CDK19: variants seen among roughly 807,000 people sequenced by gnomAD.
The protein encoded by CDK19 is cyclin-dependent kinase 19.
In CDK19, 20 loss-of-function variants were observed where a neutral mutation model predicts 68.3. The observed-to-expected ratio is 0.29, with a 90% CI of 0.21 to 0.43. CDK19 has a LOEUF of 0.43. CDK19 is among the 20% of genes least tolerant of loss of function. The pLI is 1.00. For missense variants in CDK19, 339 were observed against 623.5 expected (o/e 0.54, Z 4.86); for synonymous variants, 221 against 222.8 (o/e 0.99, Z 0.07).
At chr6:110,641,883 G>A (rs1247648849) in intron 4 of CDK19, among the ~76,000 whole-genome samples, 1 of 152,130 alleles carries the variant, frequency 6.6e-6, no homozygotes, top group African/African-American at 2.4e-5. Flanking sequence ...GAACCCTACA[G>A]GTAAGGACAT....
chr6:110,620,896 C>T (rs1185650896), intron 12 of CDK19, among the ~76,000 whole-genome samples: 1 of 152,138 alleles, frequency 6.6e-6, no homozygotes, highest in Non-Finnish European at 1.5e-5. Context: ...ACCTTCCTCT[C>T]CTCGGGTGTC....
chr6:110,755,092 G>T (rs1352207794), intron 1 of CDK19, among the ~76,000 whole-genome samples: 1 of 149,262 alleles, frequency 6.7e-6, no homozygotes, highest in Admixed American at 6.8e-5. Flanking sequence ...CCAGGCTGGA[G>T]TGCAGTGGCA....
chr6:110,737,481 T>TACAC (rs139727702), intron 2 of CDK19, among the ~76,000 whole-genome samples: 2 of 151,436 alleles, frequency 1.3e-5, no homozygotes, highest in South Asian at 4.2e-4. Flanking sequence ...GGTGTATACA[T>TACAC]ACACACACAC....
At chr6:110,660,705 G>T (rs1250838334) in intron 4 of CDK19, among the ~76,000 whole-genome samples, 1 of 152,206 alleles carries the variant, frequency 6.6e-6, no homozygotes, top group Non-Finnish European at 1.5e-5. Context: ...CTGTCCTTCT[G>T]AAGTCAAGCT....
intron 2 of CDK19, chr6:110,700,428 T>A (rs1773890749): frequency 6.6e-6 from 1 of 151,820 alleles, no homozygotes; most frequent in South Asian, 2.1e-4. Flanking sequence ...ATAGAGCTTA[T>A]AAAATTCAGC....
chr6:110,697,473 A>G (rs1251606262), intron 2 of CDK19, among the ~76,000 whole-genome samples: 4 of 152,160 alleles, frequency 2.6e-5, no homozygotes, highest in Non-Finnish European at 5.9e-5. Flanking sequence ...AGCTCTCCAC[A>G]AGGAAAACTA....
intron 2 of CDK19, among the ~76,000 whole-genome samples, chr6:110,723,235 G>A (rs1776072108): frequency 6.6e-6 from 1 of 151,484 alleles, no homozygotes; most frequent in South Asian, 2.1e-4. Flanking sequence ...CATGAAGGCA[G>A]TCTGGTCAAC....
chr6:110,797,539 A>C (rs558776118), intron 1 of CDK19, among the ~76,000 whole-genome samples: 1 of 152,220 alleles, frequency 6.6e-6, no homozygotes, highest in Non-Finnish European at 1.5e-5. Context: ...CGGAAGAAAG[A>C]AAATGGAGGG....
At chr6:110,741,030 A>C (rs1340152897) in intron 2 of CDK19, among the ~76,000 whole-genome samples, 10 of 152,168 alleles carry the variant, frequency 6.6e-5, no homozygotes, top group African/African-American at 2.2e-4. Flanking sequence ...CTGACCAACA[A>C]AAAGAATGAT....
intron 2 of CDK19, among the ~76,000 whole-genome samples, chr6:110,675,237 G>C (rs1238519856): frequency 1.3e-5 from 2 of 152,182 alleles, no homozygotes; most frequent in South Asian, 4.1e-4. Flanking sequence ...AGCTTCAAAG[G>C]ACAGGCTGAC....
At chr6:110,812,950 T>C (rs1783224741) in intron 1 of CDK19, among the ~76,000 whole-genome samples, 1 of 151,750 alleles carries the variant, frequency 6.6e-6, no homozygotes, top group African/African-American at 2.4e-5. Context: ...AAGTTGCAAA[T>C]CTCAACCAGA....
At chr6:110,775,450 T>C (rs1275889194) in intron 1 of CDK19, among the ~76,000 whole-genome samples, 1 of 152,188 alleles carries the variant, frequency 6.6e-6, no homozygotes, top group East Asian at 1.9e-4. Context: ...AAAGCTATTC[T>C]AGTGGCAAAA....
Position 110,612,348 on chromosome 6 carries a change from C to G in CDK19, c.*2187G>C, listed in dbSNP as rs11756279. 3.3e-5 allele frequency: 5 copies of G among 152,714 alleles called. No individual in the cohort carries two copies. Among genetic ancestry groups the G allele is most frequent in the African/African-American group, 1.2e-4 (5 of 41,562 alleles). 9.5% of individuals were successfully genotyped at this position (152,714 alleles called of 1,614,324 possible). A position where few individuals can be genotyped will look rare whatever the true frequency, so the allele number is the denominator to read the frequency against. On this transcript the variant is annotated 3_prime_UTR_variant, in exon 13 of 13. Coordinates refer to ENST00000368911, the MANE Select transcript of CDK19 (RefSeq NM_015076.5). ...TGTGATATTGAATCACTGGCTTTCT[C>G]TAAGGTAGACTGACATAGAAACCCT...
chr6:110,648,957 T>C (rs980921984), intron 4 of CDK19, among the ~76,000 whole-genome samples: 1 of 151,838 alleles, frequency 6.6e-6, no homozygotes, highest in Non-Finnish European at 1.5e-5. Context: ...GACCTCGTGA[T>C]CCGCTCGGCC....
chr6:110,731,468 C>T (rs914043608), intron 2 of CDK19, among the ~76,000 whole-genome samples: 1 of 152,106 alleles, frequency 6.6e-6, no homozygotes, highest in Non-Finnish European at 1.5e-5. Context: ...ATGACTACTA[C>T]TGGGTACAGA....
intron 1 of CDK19, among the ~76,000 whole-genome samples, chr6:110,753,884 A>G (rs924334247): frequency 2.6e-5 from 4 of 152,140 alleles, no homozygotes; most frequent in African/African-American, 9.7e-5. Context: ...TATGTTGATA[A>G]TATTTCCCCA....
intron 1 of CDK19, among the ~76,000 whole-genome samples, chr6:110,800,775 A>G (rs1258586186): frequency 1.3e-5 from 2 of 152,218 alleles, no homozygotes; most frequent in Non-Finnish European, 1.5e-5. Context: ...AATGCTCAAC[A>G]AACAAGGCAC....
At chr6:110,713,111 C>T (rs546570904) in intron 2 of CDK19, among the ~76,000 whole-genome samples, 1 of 151,054 alleles carries the variant, frequency 6.6e-6, no homozygotes, top group African/African-American at 2.4e-5. Context: ...ACAGGAGACT[C>T]GCTTGAACCA....
At chr6:110,794,786 A>AAT (rs151016201) in intron 1 of CDK19, among the ~76,000 whole-genome samples, 5,256 of 151,894 alleles carry the variant, frequency 0.035, 119 homozygotes, top group Middle Eastern at 0.078. Flanking sequence ...TTTTCAGAAT[A>AAT]ATATATATAT....
Sources: allele counts gnomAD v4.1 joint callset (sites outside exome capture counted in the v4.1 genomes callset), GRCh38; gene constraint gnomAD v4.1.1; transcripts MANE v1.5; gene names NCBI Gene and HGNC (gene_info 2026-07-23, HGNC 2026-07-21).